SIPA1L2: variants seen among roughly 807,000 people sequenced by gnomAD.
SIPA1L2 encodes signal-induced proliferation-associated 1-like protein 2.
A neutral mutation model predicts 163.9 loss-of-function variants in SIPA1L2; 56 were observed. That is an observed-to-expected ratio of 0.34 (90% CI 0.28 to 0.43). SIPA1L2 has a LOEUF of 0.43. SIPA1L2 is among the 20% of genes least tolerant of loss of function. The pLI, the probability that SIPA1L2 is intolerant of heterozygous loss-of-function variation, is 1.00. For synonymous variants in SIPA1L2, 877 were observed against 865.7 expected, an observed-to-expected ratio of 1.01 and a Z score of -0.23; for missense variants, 1,974 against 2,193.5, an observed-to-expected ratio of 0.90 and a Z score of 2.00.
In SIPA1L2 at chr1:232,577,204, G is replaced by A. The variant is rs1358008835; in HGVS notation, c.-318-2982C>T. 2.0e-5 allele frequency among the ~76,000 whole-genome samples: 3 copies of A among 152,276 alleles called. No homozygotes were observed. In the East Asian group the frequency reaches 5.8e-4, roughly 29 times the overall value. On this transcript the variant is annotated intron_variant, in intron 1 of 22. Coordinates refer to ENST00000674635, the MANE Select transcript of SIPA1L2 (RefSeq NM_020808.5). The stretch of plus-strand genomic sequence containing the variant: ...TTAAGAATTATGCTAAATCTACTCT[G>A]CCCGTGCTCTATCATTGGAACAACA...
At chr1:232,488,639 TAG>T (rs1665767690) in intron 5 of SIPA1L2, among the ~76,000 whole-genome samples, 1 of 152,208 alleles carries the variant, frequency 6.6e-6, no homozygotes, top group Non-Finnish European at 1.5e-5. Context: ...GAACTACTAC[TAG>T]AGATACGAAA....
Position 232,443,675 on chromosome 1 carries a change from T to C in SIPA1L2, c.3364A>G (p.Ser1122Gly). ...GGGTCGCTGGAGGATGACTGGTTGC[T>C]GGGTGAGCTTCTGAAAGGTTGAGTA... ...KLPDGTRSSP[S>G]NQSSSSDPGP... Residue 1122 changes from serine (S) to glycine (G), a missense_variant, in exon 12 of 23, where the codon AGC becomes GGC. Around this residue, in one of 3 missense-constraint regions of SIPA1L2, gnomAD observed 1,079 missense variants for 1,150.7 expected, o/e 0.94. Coordinates refer to ENST00000674635, the MANE Select transcript of SIPA1L2 (RefSeq NM_020808.5). The C allele has an allele frequency of 1.9e-6, 3 of 1,608,172 alleles. No individual in the cohort carries two copies. Among genetic ancestry groups the C allele is most frequent in the Non-Finnish European group, 2.5e-6 (3 of 1,177,284 alleles).
At chr1:232,623,028 T>G (rs1241525507) in intron 1 of SIPA1L2, among the ~76,000 whole-genome samples, 1 of 152,230 alleles carries the variant, frequency 6.6e-6, no homozygotes, top group African/African-American at 2.4e-5. Flanking sequence ...TTGCTGCTTA[T>G]GTTCCATTAT....
Position 232,439,316 on chromosome 1 carries a change from C to T in SIPA1L2, c.3823G>A (p.Ala1275Thr). The T allele has an allele frequency of 1.2e-6, 2 of 1,614,202 alleles. No homozygotes were observed. The highest frequency in any genetic ancestry group is 1.7e-6 in the Non-Finnish European group (2 of 1,180,032). Residue 1275 changes from alanine to threonine, a missense_variant, in exon 15 of 23, where the codon GCC (alanine) becomes ACC (threonine). Transcript: ENST00000674635. ...AGGTGCACAGGGCCGAGGATGGTGG[C>T]AGGCATGCAGGGGGCCGTGTCGATG... ...SGIDTAPCMP[A>T]TILGPVHLAG...
At chr1:232,405,076 T>C (rs1660562523) in intron 19 of SIPA1L2, among the ~76,000 whole-genome samples, 1 of 152,196 alleles carries the variant, frequency 6.6e-6, no homozygotes, top group Admixed American at 6.5e-5. Context: ...CTTGTTTGCT[T>C]TATGGCAGGT....
At chr1:232,517,096 CATAATG>C (rs1667250696) in intron 2 of SIPA1L2, among the ~76,000 whole-genome samples, 5 of 152,112 alleles carry the variant, frequency 3.3e-5, no homozygotes, top group African/African-American at 1.2e-4. Context: ...TCACTTGTGG[CATAATG>C]CACTAGAAAG....
chr1:232,521,466 AG>A (rs1356698209), intron 2 of SIPA1L2, among the ~76,000 whole-genome samples: 2 of 152,160 alleles, frequency 1.3e-5, no homozygotes, highest in Non-Finnish European at 2.9e-5. Context: ...AGTGAAGGAA[AG>A]GGCCCAATCA....
chr1:232,524,717 ATAT>A (rs956781336), intron 2 of SIPA1L2, among the ~76,000 whole-genome samples: 1 of 152,152 alleles, frequency 6.6e-6, no homozygotes, highest in Non-Finnish European at 1.5e-5. Flanking sequence ...TTATAATATA[ATAT>A]TATGTGTAAA....
intron 5 of SIPA1L2, among the ~76,000 whole-genome samples, chr1:232,484,334 A>C (rs1449513814): frequency 2.0e-5 from 3 of 152,170 alleles, no homozygotes; most frequent in African/African-American, 7.2e-5. Context: ...GTAATCTTCT[A>C]AGTCGGAAAG....
At position 232,625,688 on chromosome 1, in the gene SIPA1L2, G is replaced by A. The variant is rs186788597; in HGVS notation, c.-319+4181C>T. Among the ~76,000 whole-genome samples the A allele has an allele frequency of 1.8e-3, 279 of 152,240 alleles. 1 individual carries two copies. Among genetic ancestry groups the A allele is most frequent in the Middle Eastern group, 0.014 (4 of 294 alleles). On this transcript the variant is annotated intron_variant, in intron 1 of 22. Coordinates refer to ENST00000674635, the MANE Select transcript of SIPA1L2 (RefSeq NM_020808.5). ...CACGTTACACCAAGAGCCCAACTCT[G>A]ACAGAGACTGAAGGATTTGTTCTGT...
chr1:232,557,843 C>T (rs192695347), intron 2 of SIPA1L2, among the ~76,000 whole-genome samples: 1 of 152,358 alleles, frequency 6.6e-6, no homozygotes, highest in Non-Finnish European at 1.5e-5. Context: ...ACATTGCCGG[C>T]ATGTGCTGAG....
chr1:232,572,781 T>TATATATA (rs1558277988), intron 2 of SIPA1L2, among the ~76,000 whole-genome samples: 3 of 50,420 alleles, frequency 6.0e-5, no homozygotes, highest in Non-Finnish European at 1.1e-4. Context: ...ATATATATAT[T>TATATATA]TATTTATTTA....
intron 1 of SIPA1L2, among the ~76,000 whole-genome samples, chr1:232,590,327 C>T (rs975832517): frequency 6.6e-5 from 10 of 152,296 alleles, no homozygotes; most frequent in Middle Eastern, 3.4e-3. Flanking sequence ...TCACCAATTG[C>T]GCAGTGAGAT....
In SIPA1L2 at chr1:232,615,011, AGAG is replaced by A. The variant is rs1264248059; in HGVS notation, c.-319+14855_-319+14857del. Among the ~76,000 whole-genome samples the A allele has an allele frequency of 2.6e-5, 4 of 152,358 alleles. No individual in the cohort carries two copies. In the East Asian group the frequency reaches 7.7e-4, roughly 29 times the overall value. Reference sequence around the variant, plus strand: ...AAGCCTCTACTCTCAAAACATTCTGAGAGGAATAAGCTCATGTTCATAGTACAC... The same window carrying A: ...AAGCCTCTACTCTCAAAACATTCTGAGAATAAGCTCATGTTCATAGTACAC... On this transcript the variant is annotated intron_variant, in intron 1 of 22. Coordinates refer to ENST00000674635, the MANE Select transcript of SIPA1L2 (RefSeq NM_020808.5).
At chr1:232,409,468 G>C (rs546218144) in intron 19 of SIPA1L2, among the ~76,000 whole-genome samples, 4 of 152,302 alleles carry the variant, frequency 2.6e-5, no homozygotes, top group South Asian at 4.1e-4. Context: ...CTGCCATCAA[G>C]AGGTAGAGGT....
chr1:232,484,281 C>T (rs1665533382), intron 5 of SIPA1L2, among the ~76,000 whole-genome samples: 1 of 152,104 alleles, frequency 6.6e-6, no homozygotes, highest in Non-Finnish European at 1.5e-5. Flanking sequence ...AAAAATAGAA[C>T]TGTGGAAATA....
chr1:232,573,724 C>A (rs1358290421), intron 2 of SIPA1L2, among the ~76,000 whole-genome samples: 2 of 152,114 alleles, frequency 1.3e-5, no homozygotes, highest in Non-Finnish European at 2.9e-5. Context: ...CCCCACCACT[C>A]CCTTGATCAC....
chr1:232,562,788 A>G (rs1328823914), intron 2 of SIPA1L2, among the ~76,000 whole-genome samples: 1 of 152,254 alleles, frequency 6.6e-6, no homozygotes, highest in Non-Finnish European at 1.5e-5. Context: ...GACAGAGGAC[A>G]GAGACCTACA....
intron 1 of SIPA1L2, among the ~76,000 whole-genome samples, chr1:232,607,744 T>C (rs1194037294): frequency 6.7e-6 from 1 of 150,164 alleles, no homozygotes; most frequent in Non-Finnish European, 1.5e-5. Context: ...TTATTTCCCA[T>C]ATTTCACCTC....
Sources: gnomAD v4.1 joint callset for allele counts (sites outside exome capture counted in the v4.1 genomes callset) on GRCh38, gnomAD v4.1.1 for gene constraint, gnomAD v4.1.1 regional missense constraint, MANE v1.5 for transcripts, NCBI Gene and HGNC (gene_info 2026-07-23, HGNC 2026-07-21) for gene names.